DLC1: variants seen among roughly 807,000 people sequenced by gnomAD.
DLC1 encodes the protein rho GTPase-activating protein 7.
DLC1 carries 54 observed loss-of-function variants against 140.3 expected under a neutral mutation model. The ratio of observed to expected loss-of-function variants is 0.38; its 90% CI spans 0.31 to 0.48. The LOEUF (loss-of-function observed/expected upper bound fraction) is 0.48. Ranked by LOEUF, DLC1 falls within the 20% of genes least tolerant of loss-of-function variation. The pLI is 0.96. For missense variants in DLC1, 2,536 were observed against 1,907.0 expected, an observed-to-expected ratio of 1.33 and a Z score of -6.14; for synonymous variants, 986 against 728.1, an observed-to-expected ratio of 1.35 and a Z score of -5.70.
chr8:13,182,917 C>A (rs1358588438), intron 5 of DLC1, among the ~76,000 whole-genome samples: 2 of 152,068 alleles, frequency 1.3e-5, no homozygotes, highest in African/African-American at 4.8e-5. Flanking sequence ...GGCAGTATGG[C>A]CATTTTCAGG....
chr8:13,463,219 C>G (rs1799756617), intron 2 of DLC1, among the ~76,000 whole-genome samples: 1 of 151,922 alleles, frequency 6.6e-6, no homozygotes, highest in Non-Finnish European at 1.5e-5. Flanking sequence ...GAATATCTGT[C>G]AGATTTGCAG....
intron 5 of DLC1, among the ~76,000 whole-genome samples, chr8:13,201,210 G>T (rs948668443): frequency 6.6e-6 from 1 of 151,836 alleles, no homozygotes; most frequent in East Asian, 1.9e-4. Flanking sequence ...ATCTTTCAGA[G>T]TTGCATTTTC....
intron 4 of DLC1, among the ~76,000 whole-genome samples, chr8:13,352,644 A>C (rs1457605038): frequency 2.0e-5 from 3 of 152,152 alleles, no homozygotes; most frequent in African/African-American, 4.8e-5. Context: ...CTTCCTTAGT[A>C]ACTGGGACTA....
chr8:13,489,450 A>ACACACACAC (rs1554530251), intron 2 of DLC1, among the ~76,000 whole-genome samples: 27 of 89,512 alleles, frequency 3.0e-4, no homozygotes, highest in Admixed American at 9.8e-4. Flanking sequence ...CACACACACA[A>ACACACACAC]AATGTTGCTA....
chr8:13,445,658 C>G lies in DLC1; in HGVS notation c.1024-44039G>C, dbSNP rs138508983. ...GACAGACCAGTGACTATAGACTTAACTGAACTTTATTATAGGGAGGCCGAA... is the reference window on the plus strand; with the variant it reads ...GACAGACCAGTGACTATAGACTTAAGTGAACTTTATTATAGGGAGGCCGAA... On this transcript the variant is annotated intron_variant, in intron 2 of 17. Coordinates refer to ENST00000276297, the MANE Select transcript of DLC1 (RefSeq NM_182643.3). Among the ~76,000 whole-genome samples, 3 of 152,294 alleles carry G rather than the reference C, an allele frequency of 2.0e-5. No homozygotes were observed. The East Asian group carries it at 5.8e-4, about 29-fold the overall frequency.
intron 5 of DLC1, among the ~76,000 whole-genome samples, chr8:13,178,387 T>G (rs904874628): frequency 1.3e-5 from 2 of 151,690 alleles, no homozygotes; most frequent in African/African-American, 4.8e-5. Flanking sequence ...ACACTGAAAC[T>G]CCGTCTCTAC....
intron 5 of DLC1, among the ~76,000 whole-genome samples, chr8:13,281,537 T>C (rs1317923085): frequency 6.6e-6 from 1 of 152,198 alleles, no homozygotes; most frequent in African/African-American, 2.4e-5. Flanking sequence ...ATAAGTACCA[T>C]GATTTATAGA....
chr8:13,352,888 T>C lies in DLC1; in HGVS notation c.1314+40665A>G, dbSNP rs139781571. Reference sequence around the variant, plus strand: ...CGAGTATTTTAAAATACCCAAGTAATAACCTCATTCTGTGGAGAGGATAAA... The same window carrying C: ...CGAGTATTTTAAAATACCCAAGTAACAACCTCATTCTGTGGAGAGGATAAA... On this transcript the variant is annotated intron_variant, in intron 4 of 17. Coordinates refer to ENST00000276297, the MANE Select transcript of DLC1 (RefSeq NM_182643.3). Among the ~76,000 whole-genome samples the C allele has an allele frequency of 5.9e-3, 898 of 152,216 alleles. 5 individuals are homozygous for C. The highest frequency in any genetic ancestry group is 8.0e-3 in the Non-Finnish European group (546 of 68,012).
intron 5 of DLC1, among the ~76,000 whole-genome samples, chr8:13,300,859 A>G (rs1832164981): frequency 6.6e-6 from 1 of 152,246 alleles, no homozygotes. Context: ...GTGACAGTGC[A>G]GATAATAGAC....
chr8:13,541,824 C>T (rs1803495791), intron 1 of DLC1, among the ~76,000 whole-genome samples: 3 of 152,192 alleles, frequency 2.0e-5, no homozygotes, highest in Admixed American at 2.0e-4. Flanking sequence ...GCTGGGATTA[C>T]AGGCATGAAC....
chr8:13,324,104 T>G (rs150008649), intron 4 of DLC1, among the ~76,000 whole-genome samples: 3 of 152,308 alleles, frequency 2.0e-5, no homozygotes, highest in African/African-American at 7.2e-5. Context: ...TTTTGAGTCT[T>G]GCATCAGAAA....
intron 1 of DLC1, among the ~76,000 whole-genome samples, chr8:13,502,657 G>C (rs1203070155): frequency 5.9e-5 from 9 of 152,172 alleles, no homozygotes. Context: ...CTAATAGAGA[G>C]AAATCTTTGT....
chr8:13,482,113 A>G (rs1265126284), intron 2 of DLC1, among the ~76,000 whole-genome samples: 1 of 152,170 alleles, frequency 6.6e-6, no homozygotes, highest in Non-Finnish European at 1.5e-5. Context: ...TAAGCATGCA[A>G]TTTAAGGTGC....
chr8:13,553,707 T>C (rs1000602312), intron 1 of DLC1, among the ~76,000 whole-genome samples: 8 of 151,952 alleles, frequency 5.3e-5, no homozygotes, highest in African/African-American at 1.7e-4. Flanking sequence ...TTCTCTACAT[T>C]TATTGTCTTC....
At chr8:13,127,242 G>C (rs932416518) in intron 5 of DLC1, among the ~76,000 whole-genome samples, 1 of 152,204 alleles carries the variant, frequency 6.6e-6, no homozygotes, top group Non-Finnish European at 1.5e-5. Context: ...TGTGATTCAG[G>C]TTCCTACAAA....
intron 1 of DLC1, chr8:13,557,721 T>A (rs1406156183): frequency 6.6e-6 from 1 of 152,456 alleles, no homozygotes; most frequent in East Asian, 1.9e-4. Flanking sequence ...CCCAGCCAGG[T>A]GGAACTGTGA....
intron 2 of DLC1, among the ~76,000 whole-genome samples, chr8:13,449,596 C>T (rs1047823615): frequency 1.3e-5 from 2 of 149,882 alleles, no homozygotes; most frequent in Admixed American, 1.3e-4. Flanking sequence ...TGCATGTTCT[C>T]ACTCATAGGT....
At chr8:13,353,977 C>T (rs955476224) in intron 4 of DLC1, among the ~76,000 whole-genome samples, 8 of 151,934 alleles carry the variant, frequency 5.3e-5, no homozygotes, top group Non-Finnish European at 8.8e-5. Flanking sequence ...TGGGTTCCTT[C>T]TGTGGGTCCA....
chr8:13,423,141 G>C (rs963246515), intron 2 of DLC1, among the ~76,000 whole-genome samples: 2 of 152,076 alleles, frequency 1.3e-5, no homozygotes, highest in African/African-American at 4.8e-5. Context: ...TTGCAGGTTT[G>C]CCTTGTCTAC....
Sources: allele counts gnomAD v4.1 joint callset (sites outside exome capture counted in the v4.1 genomes callset), GRCh38; gene constraint gnomAD v4.1.1; transcripts MANE v1.5; gene names NCBI Gene and HGNC (gene_info 2026-07-23, HGNC 2026-07-21).